Variants in IPCEF1 observed in about 807,000 individuals in gnomAD.
IPCEF1 encodes interaction protein for cytohesin exchange factors 1.
Under a neutral mutation model 50.9 loss-of-function variants are expected in IPCEF1, and 31 were observed. The observed-to-expected ratio is 0.61, with a 90% CI of 0.46 to 0.82. The LOEUF (loss-of-function observed/expected upper bound fraction) is 0.82. Ranked by LOEUF, IPCEF1 falls within the 40% of genes least tolerant of loss-of-function variation. The probability of loss-of-function intolerance (pLI) is 0.00; values close to 1 mark genes in which losing one functional copy is unlikely to be tolerated. For missense variants in IPCEF1, 458 were observed against 514.0 expected, an observed-to-expected ratio of 0.89 and a Z score of 1.05; for synonymous variants, 181 against 192.0, an observed-to-expected ratio of 0.94 and a Z score of 0.47.
At chr6:154,199,387 T>C in intron 10 of IPCEF1, among the ~76,000 whole-genome samples, 1 of 152,230 alleles carries the variant, frequency 6.6e-6, no homozygotes, top group Non-Finnish European at 1.5e-5. Context: ...GGCAAGTTTT[T>C]TCTCCGATTG....
chr6:154,231,168 T>C (rs535479193), intron 5 of IPCEF1, among the ~76,000 whole-genome samples: 1 of 152,254 alleles, frequency 6.6e-6, no homozygotes, highest in South Asian at 2.1e-4. Flanking sequence ...ACACACAGAC[T>C]CATGACCACT....
chr6:154,273,724 C>CTTTTTTTTTTTTTTTTTTTTTTTTTTTT (rs71021036), intron 2 of IPCEF1, among the ~76,000 whole-genome samples: 1 of 63,316 alleles, frequency 1.6e-5, no homozygotes, highest in African/African-American at 5.6e-5. Flanking sequence ...TTCTTTCTTT[C>CTTTTTTTTTTTTTTTTTTTTTTTTTTTT]TTTTTTTTTT....
intron 1 of IPCEF1, among the ~76,000 whole-genome samples, chr6:154,300,393 C>T (rs531711126): frequency 3.9e-5 from 6 of 152,188 alleles, no homozygotes; most frequent in Non-Finnish European, 8.8e-5. Context: ...AGGAGGATCG[C>T]TTCAGGCCAA....
rs1798704721 is a variant in IPCEF1, at chr6:154,156,141, G to C, written c.*3687C>G. 6.6e-6 allele frequency: 1 copy of C among 152,238 alleles called. No homozygotes were observed. Among genetic ancestry groups the C allele is most frequent in the African/African-American group, 2.4e-5 (1 of 41,450 alleles). 9.4% of individuals were successfully genotyped at this position (152,238 alleles called of 1,614,324 possible). A position where few individuals can be genotyped will look rare whatever the true frequency, so the allele number is the denominator to read the frequency against. ...TCCCAAGTAGTCTAATGTACAGAAAGAAAAGAAAGGAAACACAGCATGATT... is the reference window on the plus strand; with the variant it reads ...TCCCAAGTAGTCTAATGTACAGAAACAAAAGAAAGGAAACACAGCATGATT... On this transcript the variant is annotated 3_prime_UTR_variant, in exon 12 of 12. Coordinates refer to ENST00000367220, the MANE Select transcript of IPCEF1 (RefSeq NM_001130700.2).
chr6:154,287,418 A>G (rs1782392125), intron 2 of IPCEF1, among the ~76,000 whole-genome samples: 1 of 152,176 alleles, frequency 6.6e-6, no homozygotes, highest in Non-Finnish European at 1.5e-5. Flanking sequence ...AATGCACCAG[A>G]TATTGTTCTA....
intron 10 of IPCEF1, among the ~76,000 whole-genome samples, chr6:154,177,238 C>T (rs1800410991): frequency 6.6e-6 from 1 of 152,178 alleles, no homozygotes; most frequent in Non-Finnish European, 1.5e-5. Context: ...GCAAAGACTT[C>T]ATGACTAAAA....
chr6:154,231,168 T>G (rs535479193), intron 5 of IPCEF1, among the ~76,000 whole-genome samples: 1 of 152,136 alleles, frequency 6.6e-6, no homozygotes, highest in African/African-American at 2.4e-5. Context: ...ACACACAGAC[T>G]CATGACCACT....
At chr6:154,341,319 A>G (rs73005499) in intron 1 of IPCEF1, among the ~76,000 whole-genome samples, 16,217 of 152,226 alleles carry the variant, frequency 0.11, 1,079 homozygotes, top group South Asian at 0.31. Context: ...TAAATCAAAT[A>G]AGAGTCCATA....
In IPCEF1 at chr6:154,196,417, TA is replaced by T. The variant is rs531994789; in HGVS notation, c.910+3250del. ...GCCTGCCTCTTCTTTAACAATGTTT[TA>T]TTTTTTTTAATTAAGCTTGTTATCT... On this transcript the variant is annotated intron_variant, in intron 10 of 11. Transcript: ENST00000367220. Among the ~76,000 whole-genome samples the T allele has an allele frequency of 1.4e-3, 210 of 152,280 alleles. 1 individual carries two copies. The highest frequency in any genetic ancestry group is 3.5e-3 in the African/African-American group (146 of 41,524).
chr6:154,356,440 A>G (rs964283213), intron 1 of IPCEF1, among the ~76,000 whole-genome samples: 1 of 152,240 alleles, frequency 6.6e-6, no homozygotes. Flanking sequence ...TTTAAGAAAC[A>G]TAAAAGCAGA....
At chr6:154,177,677 T>C (rs1459663169) in intron 10 of IPCEF1, among the ~76,000 whole-genome samples, 1 of 152,204 alleles carries the variant, frequency 6.6e-6, no homozygotes, top group African/African-American at 2.4e-5. Context: ...AGGAACACTT[T>C]TACACTGTTG....
chr6:154,341,010 C>A (rs1783904452), intron 1 of IPCEF1, among the ~76,000 whole-genome samples: 1 of 151,676 alleles, frequency 6.6e-6, no homozygotes, highest in Non-Finnish European at 1.5e-5. Flanking sequence ...TTGGTTAGGT[C>A]CAAAAGGCAG....
At chr6:154,199,625 A>C in intron 10 of IPCEF1, 43 bp downstream of exon 10, 1 of 1,518,188 alleles carries the variant, frequency 6.6e-7, no homozygotes, top group South Asian at 1.3e-5. Context: ...TATACAAACA[A>C]ATATTCACTC....
At chr6:154,319,706 C>A (rs1019038174) in intron 1 of IPCEF1, among the ~76,000 whole-genome samples, 1 of 152,140 alleles carries the variant, frequency 6.6e-6, no homozygotes, top group African/African-American at 2.4e-5. Flanking sequence ...ATTTAAAAAG[C>A]CTTCAAAAGC....
At chr6:154,174,567 G>A (rs1800149968) in intron 10 of IPCEF1, among the ~76,000 whole-genome samples, 1 of 152,098 alleles carries the variant, frequency 6.6e-6, no homozygotes, top group African/African-American at 2.4e-5. Context: ...GATCAAAAGA[G>A]ACAAAGAAGG....
intron 3 of IPCEF1, among the ~76,000 whole-genome samples, chr6:154,264,011 C>CT (rs909101970): frequency 4.0e-5 from 6 of 150,738 alleles, no homozygotes; most frequent in South Asian, 2.1e-4. Flanking sequence ...GCTGACCCCC[C>CT]CCACCTCCCT....
chr6:154,283,953 A>C (rs889086120), intron 2 of IPCEF1, among the ~76,000 whole-genome samples: 26 of 152,226 alleles, frequency 1.7e-4, no homozygotes, highest in African/African-American at 5.5e-4. Flanking sequence ...AAAACATGAG[A>C]TAGAAGAAGG....
At chr6:154,247,107 G>C (rs1781116497) in intron 4 of IPCEF1, 1 of 394,226 alleles carries the variant, frequency 2.5e-6, no homozygotes, top group South Asian at 5.6e-5. Context: ...TGTAAGGCTG[G>C]CGGGCATATC....
chr6:154,228,109 T>C (rs565036633), intron 5 of IPCEF1, among the ~76,000 whole-genome samples: 5 of 152,142 alleles, frequency 3.3e-5, no homozygotes, highest in Non-Finnish European at 7.3e-5. Flanking sequence ...TTGCCTATTA[T>C]ATTAACTAAA....
Sources: gnomAD v4.1 joint callset for allele counts (sites outside exome capture counted in the v4.1 genomes callset) on GRCh38, gnomAD v4.1.1 for gene constraint, MANE v1.5 for transcripts, NCBI Gene and HGNC (gene_info 2026-07-23, HGNC 2026-07-21) for gene names.